The following SORBS2 variants were observed in gnomAD, a reference collection of about 807,000 sequenced individuals.
SORBS2 encodes sorbin and SH3 domain containing 2, also known as sorbin and SH3 domain-containing protein 2.
A neutral mutation model predicts 97.7 loss-of-function variants in SORBS2; 46 were observed. That is an observed-to-expected ratio of 0.47 (90% CI 0.37 to 0.60). The LOEUF (loss-of-function observed/expected upper bound fraction) is 0.60, where lower values mean the gene tolerates loss of function less well. SORBS2 is among the 20% of genes least tolerant of loss of function. The pLI is 0.00. For missense variants in SORBS2, 1,316 were observed against 1,282.3 expected (o/e 1.03, Z -0.40); for synonymous variants, 476 against 473.4 (o/e 1.01, Z -0.07).
chr4:185,635,457 G>GT, intron 4 of SORBS2, 46 bp from the exon 16 acceptor site: 1 of 1,429,150 alleles, frequency 7.0e-7, no homozygotes, highest in Non-Finnish European at 9.8e-7. Flanking sequence ...GGATGGAATG[G>GT]AGGAGAGTCA....
intron 13 of SORBS2, among the ~76,000 whole-genome samples, chr4:185,591,654 G>C (rs1006574521): frequency 6.6e-6 from 1 of 152,100 alleles, no homozygotes; most frequent in Non-Finnish European, 1.5e-5. Flanking sequence ...CTGTTTTGAT[G>C]GATACACACG....
At chr4:185,905,102 C>CA (rs201976720) in intron 1 of SORBS2, among the ~76,000 whole-genome samples, 26,266 of 141,202 alleles carry the variant, frequency 0.19, 2,298 homozygotes, top group South Asian at 0.22. Flanking sequence ...GAAACTCTGT[C>CA]AAAAAAAAAA....
chr4:185,743,547 T>A (rs1370390101), intron 2 of SORBS2, among the ~76,000 whole-genome samples: 1 of 152,190 alleles, frequency 6.6e-6, no homozygotes, highest in Non-Finnish European at 1.5e-5. Flanking sequence ...ATTTATCACC[T>A]CCTTTCCATG....
exon 11 of SORBS2, chr4:185,614,863 C>T (rs770621506): frequency 5.0e-6 from 8 of 1,614,170 alleles, no homozygotes; most frequent in Admixed American, 1.7e-5. Flanking sequence ...TTTGTGTCTG[C>T]GTTGAAGTTG....
chr4:185,850,742 G>A (rs72707627), intron 1 of SORBS2, among the ~76,000 whole-genome samples: 11,960 of 152,204 alleles, frequency 0.079, 618 homozygotes, highest in Non-Finnish European at 0.11. Context: ...CTGGGCTATG[G>A]GATGCCCAGA....
chr4:185,908,226 C>A (rs2099252235), intron 1 of SORBS2, among the ~76,000 whole-genome samples: 1 of 129,402 alleles, frequency 7.7e-6, no homozygotes, highest in African/African-American at 3.4e-5. Context: ...TTTATTTCAT[C>A]TATAGATAAA....
intron 2 of SORBS2, among the ~76,000 whole-genome samples, chr4:185,767,197 T>A (rs2098938910): frequency 6.6e-6 from 1 of 152,090 alleles, no homozygotes; most frequent in African/African-American, 2.4e-5. Context: ...TTTTCTTGTT[T>A]TATTGAAAAT....
chr4:185,825,469 C>T (rs1012741555), intron 1 of SORBS2, among the ~76,000 whole-genome samples: 1 of 152,168 alleles, frequency 6.6e-6, no homozygotes. Flanking sequence ...CTTACTTCAG[C>T]ACTGTTTTAA....
chr4:185,870,903 G>A (rs891370403), intron 1 of SORBS2, among the ~76,000 whole-genome samples: 3 of 152,164 alleles, frequency 2.0e-5, no homozygotes, highest in Admixed American at 6.5e-5. Flanking sequence ...ATCACTGTGC[G>A]AGGATTTGAG....
intron 4 of SORBS2, among the ~76,000 whole-genome samples, chr4:185,632,557 T>A (rs1403106391): frequency 6.6e-6 from 1 of 152,202 alleles, no homozygotes; most frequent in Non-Finnish European, 1.5e-5. Flanking sequence ...ATATTAATTC[T>A]ACTCGTTTGC....
At position 185,591,940 on chromosome 4, in the gene SORBS2, C is replaced by A. The variant is rs780284276; in HGVS notation, c.2846+1946G>T. On this transcript the variant is annotated intron_variant, in intron 13 of 14. Coordinates refer to ENST00000418609, the Ensembl canonical transcript of SORBS2. ...CAAAAACAAAACAAAAGAAAACCCA[C>A]GGAGTTTTATGGAAACGTAAACACA... is the stretch of plus-strand genomic sequence containing the variant. 2.6e-5 allele frequency: 4 copies of A among 152,204 alleles called. No homozygotes were observed. The East Asian group carries it at 7.7e-4, about 29-fold the overall frequency. The allele number at this position is 152,204 out of a possible 1,614,324, so 9.4% of individuals were successfully genotyped here.
Position 185,623,576 on chromosome 4 carries a change from T to C in SORBS2, c.1553A>G (p.Glu518Gly). 6.2e-7 allele frequency: 1 copy of C among 1,614,068 alleles called. No individual in the cohort carries two copies. Among genetic ancestry groups the C allele is most frequent in the South Asian group, 1.1e-5 (1 of 91,068 alleles). ...ACTTTCACTGCAGAAGGATGACCCC[T>C]CTAGGTGAATGTAGTCACTGTGGTC... Residue 518 changes from glutamate to glycine, a missense_variant, in exon 7 of 15, where the codon GAG becomes GGG. Coordinates refer to ENST00000418609, the Ensembl canonical transcript of SORBS2. The surrounding 1 kb of genome is among the most constrained non-coding windows in gnomAD (Gnocchi z 6.4).
intron 1 of SORBS2, among the ~76,000 whole-genome samples, chr4:185,798,586 A>G (rs969517473): frequency 6.6e-6 from 1 of 152,234 alleles, no homozygotes; most frequent in African/African-American, 2.4e-5. Flanking sequence ...AAAAAAGTGG[A>G]TCTTTCTTTG....
chr4:185,877,810 CAG>C (rs2099234413), intron 1 of SORBS2, among the ~76,000 whole-genome samples: 1 of 139,284 alleles, frequency 7.2e-6, no homozygotes, highest in Non-Finnish European at 1.5e-5. Flanking sequence ...GTGGAAATTG[CAG>C]AGAGCCGAGA....
At chr4:185,699,552 G>C (rs1432611163) in intron 2 of SORBS2, among the ~76,000 whole-genome samples, 1 of 152,158 alleles carries the variant, frequency 6.6e-6, no homozygotes, top group Non-Finnish European at 1.5e-5. Context: ...CTCCCAAAGT[G>C]CTGGGATTAT....
chr4:185,779,540 T>G (rs2099017101), intron 1 of SORBS2, among the ~76,000 whole-genome samples: 2 of 152,178 alleles, frequency 1.3e-5, no homozygotes, highest in Non-Finnish European at 2.9e-5. Context: ...ATTTAGAGGG[T>G]TTCTCTGAGT....
intron 2 of SORBS2, among the ~76,000 whole-genome samples, chr4:185,709,302 A>ATTTTTTTTTTTTTTTTTTTTTTTTT (rs1562045505): frequency 2.4e-5 from 1 of 42,202 alleles, no homozygotes; most frequent in African/African-American, 6.4e-5. Flanking sequence ...TGCTGGCCAA[A>ATTTTTTTTTTTTTTTTTTTTTTTTT]TCTTTTTTTT....
intron 1 of SORBS2, among the ~76,000 whole-genome samples, chr4:185,778,261 A>G (rs1033655063): frequency 6.6e-6 from 1 of 152,150 alleles, no homozygotes; most frequent in African/African-American, 2.4e-5. Context: ...CTTCGTAAAA[A>G]CAGATTGCTG....
At chr4:185,815,964 T>C (rs117749581) in intron 1 of SORBS2, among the ~76,000 whole-genome samples, 1,735 of 152,368 alleles carry the variant, frequency 0.011, 24 homozygotes, top group East Asian at 0.043. Flanking sequence ...TTAAGATTAG[T>C]TGATGAAGAC....
Sources: gnomAD v4.1 joint callset for allele counts (sites outside exome capture counted in the v4.1 genomes callset) on GRCh38, gnomAD v4.1.1 for gene constraint, Gnocchi (gnomAD v3.1) non-coding constraint, MANE v1.5 for transcripts, NCBI Gene and HGNC (gene_info 2026-07-23, HGNC 2026-07-21) for gene names.